UHRF2: variants seen among roughly 807,000 people sequenced by gnomAD.
UHRF2 encodes the protein E3 ubiquitin-protein ligase UHRF2.
UHRF2 carries 23 observed loss-of-function variants against 96.8 expected under a neutral mutation model. The ratio of observed to expected loss-of-function variants is 0.24; its 90% CI spans 0.17 to 0.34. The LOEUF (loss-of-function observed/expected upper bound fraction) is 0.34, where lower values mean the gene tolerates loss of function less well. UHRF2 is among the 10% of genes least tolerant of loss of function. The pLI, the probability that UHRF2 is intolerant of heterozygous loss-of-function variation, is 1.00. For missense variants in UHRF2, 685 were observed against 981.5 expected (o/e 0.70, Z 4.04); for synonymous variants, 385 against 332.6 (o/e 1.16, Z -1.72).
intron 10 of UHRF2, chr9:6,495,742 T>C (rs1330684395): frequency 2.0e-5 from 3 of 152,186 alleles, no homozygotes; most frequent in African/African-American, 7.2e-5. Context: ...TCTTTTCATA[T>C]ACTTGAATAG....
chr9:6,477,768 C>G lies in UHRF2; in HGVS notation c.1120C>G (p.Leu374Val). The G allele has an allele frequency of 6.2e-7, 1 of 1,612,366 alleles. No individual in the cohort carries two copies. ...TAATGTGGCTTATCATATTTACTGT[C>G]TGAATCCACCTTTGGATAAAGTCCC... is the stretch of plus-strand genomic sequence containing the variant. Reference protein sequence around the residue: ...ECNVAYHIYCLNPPLDKVPEE... With the variant: ...ECNVAYHIYCVNPPLDKVPEE... Residue 374 changes from leucine to valine, a missense_variant, in exon 6 of 16, where the codon CTG becomes GTG. Transcript: ENST00000276893.
At chr9:6,414,947 A>G (rs1448835128) in intron 1 of UHRF2, among the ~76,000 whole-genome samples, 1 of 152,202 alleles carries the variant, frequency 6.6e-6, no homozygotes, top group Non-Finnish European at 1.5e-5. Context: ...TTTTGAAATA[A>G]TTGTACACTT....
intron 3 of UHRF2, among the ~76,000 whole-genome samples, chr9:6,434,688 C>A (rs988669815): frequency 2.6e-5 from 4 of 152,158 alleles, no homozygotes; most frequent in Non-Finnish European, 4.4e-5. Flanking sequence ...ATCTGCCCCC[C>A]TTGGCCTCCC....
At chr9:6,469,329 C>T (rs904507362) in intron 4 of UHRF2, among the ~76,000 whole-genome samples, 1 of 151,970 alleles carries the variant, frequency 6.6e-6, no homozygotes, top group African/African-American at 2.4e-5. Flanking sequence ...ACTATCCTGG[C>T]CAACATAGTG....
At chr9:6,483,673 C>T (rs1217880446) in intron 8 of UHRF2, among the ~76,000 whole-genome samples, 13 of 152,162 alleles carry the variant, frequency 8.5e-5, no homozygotes, top group South Asian at 2.1e-4. Context: ...TTTAAAAACG[C>T]GCCCTACTTT....
chr9:6,467,654 A>G (rs1196798842), intron 4 of UHRF2, among the ~76,000 whole-genome samples: 1 of 138,670 alleles, frequency 7.2e-6, no homozygotes, highest in Non-Finnish European at 1.5e-5. Context: ...ATGTATCTTA[A>G]ATTTGCTGTT....
At chr9:6,474,815 A>C (rs1823466796) in intron 4 of UHRF2, among the ~76,000 whole-genome samples, 2 of 152,226 alleles carry the variant, frequency 1.3e-5, no homozygotes, top group African/African-American at 2.4e-5. Context: ...GAGTCTGACA[A>C]GTATGGTGTA....
At chr9:6,474,656 A>C (rs1823455312) in intron 4 of UHRF2, among the ~76,000 whole-genome samples, 1 of 152,228 alleles carries the variant, frequency 6.6e-6, no homozygotes, top group Non-Finnish European at 1.5e-5. Context: ...CAGTGAGCCA[A>C]GATTGCACCA....
intron 9 of UHRF2, among the ~76,000 whole-genome samples, chr9:6,487,182 CTTTTTTT>C (rs1171978950): frequency 4.9e-4 from 34 of 69,586 alleles, no homozygotes; most frequent in African/African-American, 8.4e-4. Flanking sequence ...TTTTTTTTTC[CTTTTTTT>C]TTTTTTTTTT....
chr9:6,481,789 C>T (rs1461274968), intron 7 of UHRF2, 23 bp downstream of exon 7: 2 of 1,599,352 alleles, frequency 1.3e-6, no homozygotes, highest in South Asian at 2.3e-5. Flanking sequence ...TTCCCCTTTT[C>T]TTCCTAATAG....
intron 3 of UHRF2, among the ~76,000 whole-genome samples, chr9:6,448,313 T>A (rs1235396954): frequency 6.6e-6 from 1 of 152,230 alleles, no homozygotes; most frequent in Non-Finnish European, 1.5e-5. Flanking sequence ...GAAGGAAATG[T>A]AATTAAAGCA....
At chr9:6,500,228 A>G (rs559710185) in intron 13 of UHRF2, among the ~76,000 whole-genome samples, 8 of 152,240 alleles carry the variant, frequency 5.3e-5, no homozygotes, top group African/African-American at 1.7e-4. Context: ...TCAGCCTCCT[A>G]AAGTGCTGGG....
At chr9:6,444,973 A>G (rs928462279) in intron 3 of UHRF2, among the ~76,000 whole-genome samples, 2 of 152,004 alleles carry the variant, frequency 1.3e-5, no homozygotes, top group South Asian at 4.2e-4. Flanking sequence ...GTCACAGGCT[A>G]CATAGTTTAG....
chr9:6,485,054 A>G (rs943778812), intron 8 of UHRF2, among the ~76,000 whole-genome samples: 2 of 151,990 alleles, frequency 1.3e-5, no homozygotes, highest in African/African-American at 4.8e-5. Flanking sequence ...TGGCCTCCCA[A>G]AGTGCTGGGA....
chr9:6,504,209 T>G (rs987559595), intron 14 of UHRF2: 13 of 154,228 alleles, frequency 8.4e-5, no homozygotes, highest in African/African-American at 2.9e-4. Flanking sequence ...GTATTTTTAG[T>G]AGCGATGGGG....
At chr9:6,457,015 T>C (rs780449911) in intron 3 of UHRF2, among the ~76,000 whole-genome samples, 1 of 152,214 alleles carries the variant, frequency 6.6e-6, no homozygotes, top group African/African-American at 2.4e-5. Context: ...CCATATGAAA[T>C]TTAAAGTAGT....
intron 4 of UHRF2, among the ~76,000 whole-genome samples, chr9:6,475,143 T>C (rs911747882): frequency 1.3e-5 from 2 of 152,198 alleles, no homozygotes; most frequent in African/African-American, 4.8e-5. Flanking sequence ...ATTTACAAGT[T>C]AGCTACTTCT....
At chr9:6,421,843 T>A (rs1287606527) in intron 2 of UHRF2, among the ~76,000 whole-genome samples, 2 of 152,218 alleles carry the variant, frequency 1.3e-5, no homozygotes, top group African/African-American at 4.8e-5. Context: ...TACGTATATT[T>A]CTCTAGGCAG....
chr9:6,501,038 GT>G (rs1234588773), intron 14 of UHRF2, among the ~76,000 whole-genome samples: 1 of 152,146 alleles, frequency 6.6e-6, no homozygotes, highest in Non-Finnish European at 1.5e-5. Flanking sequence ...ACAGTTCAAA[GT>G]TACCTAACCG....
Sources: gnomAD v4.1 joint callset for allele counts (sites outside exome capture counted in the v4.1 genomes callset) on GRCh38, gnomAD v4.1.1 for gene constraint, MANE v1.5 for transcripts, NCBI Gene and HGNC (gene_info 2026-07-23, HGNC 2026-07-21) for gene names.